Variants in LINGO2 observed in about 807,000 individuals in gnomAD.
The protein encoded by LINGO2 is leucine rich repeat and Ig domain containing 2.
A neutral mutation model predicts 30.6 loss-of-function variants in LINGO2; 14 were observed. The ratio of observed to expected loss-of-function variants is 0.46; its 90% CI spans 0.30 to 0.72. The LOEUF (loss-of-function observed/expected upper bound fraction) is 0.72. Among genes scored for constraint, LINGO2 ranks in the 30% least tolerant of loss-of-function variants. The pLI is 0.07. For missense variants in LINGO2, 729 were observed against 751.7 expected, an observed-to-expected ratio of 0.97 and a Z score of 0.35; for synonymous variants, 317 against 288.5, an observed-to-expected ratio of 1.10 and a Z score of -1.00.
At chr9:28,127,787 T>C (rs1563990496) in intron 4 of LINGO2, among the ~76,000 whole-genome samples, 1 of 152,200 alleles carries the variant, frequency 6.6e-6, no homozygotes, top group Non-Finnish European at 1.5e-5. Context: ...ATCTTCACCT[T>C]TGATGCCGTT....
the LINGO2 span, among the ~76,000 whole-genome samples, chr9:28,858,703 A>G: frequency 1.3e-5 from 2 of 152,070 alleles, no homozygotes; most frequent in African/African-American, 4.8e-5. Flanking sequence ...CACTTGACAT[A>G]TCTGTTTAGA....
At chr9:28,601,172 A>G (rs1466386320) in intron 1 of LINGO2, among the ~76,000 whole-genome samples, 1 of 152,100 alleles carries the variant, frequency 6.6e-6, no homozygotes, top group Non-Finnish European at 1.5e-5. Flanking sequence ...ATTTTCTCCC[A>G]CTGTATTGAA....
intron 4 of LINGO2, among the ~76,000 whole-genome samples, chr9:28,098,632 C>T (rs1826319604): frequency 1.3e-5 from 2 of 152,038 alleles, no homozygotes; most frequent in South Asian, 4.1e-4. Flanking sequence ...TGTGTGGATA[C>T]TGGTCACTGG....
At chr9:29,149,746 A>G in the LINGO2 span, among the ~76,000 whole-genome samples, 1 of 152,090 alleles carries the variant, frequency 6.6e-6, no homozygotes, top group Non-Finnish European at 1.5e-5. Context: ...GTGGAGCCCA[A>G]AGGGGTTTGA....
At chr9:28,580,128 C>A (rs1824186233) in intron 1 of LINGO2, among the ~76,000 whole-genome samples, 1 of 152,030 alleles carries the variant, frequency 6.6e-6, no homozygotes, top group South Asian at 2.1e-4. Flanking sequence ...CTCTTCAAAC[C>A]TTGTTTCTTC....
intron 4 of LINGO2, among the ~76,000 whole-genome samples, chr9:28,071,358 T>C (rs1183934399): frequency 6.6e-6 from 1 of 152,106 alleles, no homozygotes; most frequent in Non-Finnish European, 1.5e-5. Flanking sequence ...CTCTTTATAG[T>C]CCTTTAATAT....
intron 1 of LINGO2, among the ~76,000 whole-genome samples, chr9:28,561,063 T>G (rs1300947404): frequency 6.6e-6 from 1 of 152,042 alleles, no homozygotes; most frequent in Admixed American, 6.6e-5. Flanking sequence ...AATTGCCAGC[T>G]CTTCTGTTGA....
intron 4 of LINGO2, among the ~76,000 whole-genome samples, chr9:28,102,058 T>A (rs371781418): frequency 4.6e-5 from 7 of 152,116 alleles, no homozygotes; most frequent in Non-Finnish European, 1.0e-4. Flanking sequence ...CCACTGAGCA[T>A]TTTGAATGCT....
At chr9:28,620,271 T>C (rs1407150488) in intron 1 of LINGO2, among the ~76,000 whole-genome samples, 1 of 152,128 alleles carries the variant, frequency 6.6e-6, no homozygotes, top group African/African-American at 2.4e-5. Flanking sequence ...GTGTTATTTG[T>C]CTAAGTTTTA....
Position 28,241,681 on chromosome 9 carries a change from C to T in LINGO2, c.-87+53527G>A, listed in dbSNP as rs140088859. Among the ~76,000 whole-genome samples the T allele has an allele frequency of 4.4e-3, 673 of 152,268 alleles. 7 individuals are homozygous for T. Among genetic ancestry groups the T allele is most frequent in the African/African-American group, 0.016 (645 of 41,552 alleles). ...ATGCCACTCAACTGAGTGAGATCCC[C>T]CAACAGGGGTTGTCAGACATCTTAT... is the stretch of plus-strand genomic sequence containing the variant. On this transcript the variant is annotated intron_variant, in intron 4 of 5. Transcript: ENST00000379992.
At chr9:28,634,692 G>C (rs1827173952) in intron 1 of LINGO2, among the ~76,000 whole-genome samples, 2 of 151,824 alleles carry the variant, frequency 1.3e-5, no homozygotes, top group South Asian at 4.2e-4. Context: ...CATCATTTTG[G>C]CCAGGCTGGT....
At chr9:28,551,497 A>T (rs1822280306) in intron 1 of LINGO2, among the ~76,000 whole-genome samples, 1 of 152,010 alleles carries the variant, frequency 6.6e-6, no homozygotes, top group Admixed American at 6.6e-5. Flanking sequence ...AGTGTTCTAA[A>T]ATAACAATAT....
In LINGO2 at chr9:28,561,691, TGTATAATATATATA is replaced by T. The variant is rs1385097198; in HGVS notation, c.-364-85680_-364-85667del. Among the ~76,000 whole-genome samples the T allele has an allele frequency of 1.3e-4, 16 of 123,882 alleles. 2 individuals carry two copies. The highest frequency in any genetic ancestry group is 2.3e-4 in the African/African-American group (8 of 34,916). The allele number at this position is 123,882 out of a possible 152,430, so 81.3% of individuals were successfully genotyped here. A position where few individuals can be genotyped will look rare whatever the true frequency, so the allele number is the denominator to read the frequency against. On this transcript the variant is annotated intron_variant, in intron 1 of 5. Coordinates refer to ENST00000379992, the Ensembl canonical transcript of LINGO2. Reference sequence around the variant, plus strand: ...AAATTATATATAAATGTATTATATATGTATAATATATATAAATTATATATAAATGTATTATATAT... The same window carrying T: ...AAATTATATATAAATGTATTATATATAATTATATATAAATGTATTATATAT...
chr9:28,891,757 T>C, the LINGO2 span, among the ~76,000 whole-genome samples: 1 of 151,954 alleles, frequency 6.6e-6, no homozygotes. Context: ...AAATAAATTA[T>C]TTAGAGAATA....
the LINGO2 span, among the ~76,000 whole-genome samples, chr9:28,895,159 T>C: frequency 6.6e-6 from 1 of 152,064 alleles, no homozygotes; most frequent in South Asian, 2.1e-4. Context: ...CTAATTACAA[T>C]AATTCAAGAG....
chr9:28,099,683 T>G (rs948443395), intron 4 of LINGO2, among the ~76,000 whole-genome samples: 1 of 152,182 alleles, frequency 6.6e-6, no homozygotes, highest in African/African-American at 2.4e-5. Flanking sequence ...GCAAATATGA[T>G]AATATTAGTC....
chr9:28,149,497 C>T (rs1247651298), intron 4 of LINGO2, among the ~76,000 whole-genome samples: 2 of 150,386 alleles, frequency 1.3e-5, no homozygotes, highest in African/African-American at 4.9e-5. Context: ...ACGAGCGCCT[C>T]TGCCCAGCCG....
intron 1 of LINGO2, among the ~76,000 whole-genome samples, chr9:28,479,918 T>G (rs1476146789): frequency 3.6e-5 from 2 of 55,358 alleles, no homozygotes; most frequent in African/African-American, 1.4e-4. Flanking sequence ...TAGGTATATA[T>G]ATATATATAT....
At chr9:28,348,660 G>A (rs1587511247) in intron 3 of LINGO2, among the ~76,000 whole-genome samples, 1 of 152,136 alleles carries the variant, frequency 6.6e-6, no homozygotes, top group South Asian at 2.1e-4. Flanking sequence ...GCTCAAGGAG[G>A]CCTGCCTGCC....
Sources: allele counts gnomAD v4.1 joint callset (sites outside exome capture counted in the v4.1 genomes callset), GRCh38; gene constraint gnomAD v4.1.1; transcripts MANE v1.5; gene names NCBI Gene and HGNC (gene_info 2026-07-23, HGNC 2026-07-21).